THOC2: variants seen among roughly 807,000 people sequenced by gnomAD.
THOC2 encodes THO complex 2.
A neutral mutation model predicts 128.4 loss-of-function variants in THOC2; 10 were observed. The ratio of observed to expected loss-of-function variants is 0.08; its 90% confidence interval spans 0.05 to 0.13. The LOEUF (loss-of-function observed/expected upper bound fraction) is 0.13. THOC2 is among the 10% of genes least tolerant of loss of function. The pLI is 1.00. For synonymous variants in THOC2, 393 were observed against 396.9 expected (o/e 0.99, Z 0.12); for missense variants, 535 against 1,155.7 (o/e 0.46, Z 7.79).
chrX:123,721,156 T>A (rs1315297697), intron 1 of THOC2, among the ~76,000 whole-genome samples: 1 of 109,527 alleles, frequency 9.1e-6, no homozygotes, highest in African/African-American at 3.3e-5. Context: ...GGTTTTTTTG[T>A]TGTTGCTGGT....
intron 30 of THOC2, among the ~76,000 whole-genome samples, chrX:123,622,277 T>C (rs1030012968): frequency 9.0e-6 from 1 of 110,711 alleles, no homozygotes; most frequent in Non-Finnish European, 1.9e-5. Context: ...GGCACACGCT[T>C]GTAATCCCAG....
intron 12 of THOC2, among the ~76,000 whole-genome samples, chrX:123,658,505 T>C (rs1208309019): frequency 8.9e-6 from 1 of 111,889 alleles, no homozygotes; most frequent in African/African-American, 3.3e-5. Flanking sequence ...TGAAATATTA[T>C]TCAGTGCTAA....
intron 30 of THOC2, 151 bp downstream of exon 30, chrX:123,622,607 G>A (rs756690077): frequency 3.1e-5 from 12 of 387,045 alleles, no homozygotes; most frequent in South Asian, 2.2e-4. Context: ...AATTCCAGCA[G>A]TGTGGAAAGC....
At chrX:123,663,239 A>G (rs2048914396) in intron 12 of THOC2, among the ~76,000 whole-genome samples, 2 of 111,998 alleles carry the variant, frequency 1.8e-5, no homozygotes, top group Admixed American at 1.9e-4. Flanking sequence ...GTAATAAAAT[A>G]TCACTCAGCA....
intron 12 of THOC2, among the ~76,000 whole-genome samples, chrX:123,662,915 A>C (rs903017708): frequency 8.9e-6 from 1 of 112,203 alleles, no homozygotes; most frequent in Non-Finnish European, 1.9e-5. Flanking sequence ...ATACCACTAC[A>C]TACCCACTAG....
At chrX:123,649,693 A>G (rs2048277911) in intron 12 of THOC2, among the ~76,000 whole-genome samples, 1 of 110,548 alleles carries the variant, frequency 9.0e-6, no homozygotes, top group African/African-American at 3.3e-5. Flanking sequence ...ACCAAGCAGA[A>G]GAAAGGATAT....
chrX:123,690,013 TATAC>T (rs2050154873), intron 7 of THOC2, among the ~76,000 whole-genome samples: 1 of 110,923 alleles, frequency 9.0e-6, no homozygotes, highest in Non-Finnish European at 1.9e-5. Flanking sequence ...TATTTTTACA[TATAC>T]ATACATACAC....
rs753861382 is a variant in THOC2 at position 123,730,851 on chromosome X, G to C, written c.71+2101C>G. 2.7e-5 allele frequency among the ~76,000 whole-genome samples: 3 copies of C among 112,365 alleles called. No homozygotes were observed. In the East Asian group the frequency reaches 8.5e-4, roughly 32 times the overall value. ...CCCAGCTACTCAGGAGGCTGAGACAGGAGAATCGCTTGAACGTGGGAGGCG... is the reference window on the plus strand; with the variant it reads ...CCCAGCTACTCAGGAGGCTGAGACACGAGAATCGCTTGAACGTGGGAGGCG... On this transcript the variant is annotated intron_variant, in intron 1 of 38. Coordinates refer to ENST00000245838, the MANE Select transcript of THOC2 (RefSeq NM_001081550.2).
chrX:123,632,769 T>C (rs759795138), intron 21 of THOC2, 92 bp downstream of exon 21: 4 of 745,532 alleles, frequency 5.4e-6, no homozygotes, highest in Non-Finnish European at 5.9e-6. Flanking sequence ...TCAAATGATG[T>C]GCAAAAATGA....
intron 1 of THOC2, among the ~76,000 whole-genome samples, chrX:123,721,707 A>G (rs923384594): frequency 4.6e-5 from 5 of 107,971 alleles, no homozygotes; most frequent in African/African-American, 1.4e-4. Flanking sequence ...AATCGCTTGG[A>G]CTCAGGAGGC....
chrX:123,712,422 C>T (rs989378636), intron 2 of THOC2, among the ~76,000 whole-genome samples: 3 of 112,081 alleles, frequency 2.7e-5, no homozygotes, highest in Non-Finnish European at 3.8e-5. Flanking sequence ...CCCATGACAA[C>T]TGCCTTTAAC....
chrX:123,711,199 T>G (rs774312103), intron 2 of THOC2, among the ~76,000 whole-genome samples: 37 of 103,196 alleles, frequency 3.6e-4, no homozygotes, highest in African/African-American at 1.2e-3. Context: ...TTTTTTGTTT[T>G]TGTTTTTTTT....
intron 7 of THOC2, among the ~76,000 whole-genome samples, chrX:123,688,685 T>C (rs1469317771): frequency 9.0e-6 from 1 of 110,522 alleles, no homozygotes; most frequent in Non-Finnish European, 1.9e-5. Flanking sequence ...AAGAAGCAAA[T>C]TGAGGGGGAA....
chrX:123,632,829 T>C (rs748564951), intron 21 of THOC2, 32 bp downstream of exon 21: 2 of 1,124,015 alleles, frequency 1.8e-6, no homozygotes, highest in Non-Finnish European at 1.2e-6. Flanking sequence ...ATTAAAAACA[T>C]GTACATAAAC....
intron 33 of THOC2, among the ~76,000 whole-genome samples, chrX:123,616,001 A>G (rs745765731): frequency 3.2e-4 from 35 of 110,973 alleles, no homozygotes; most frequent in Admixed American, 4.8e-4. Context: ...TGCTATAGTA[A>G]CCCAATGCAT....
chrX:123,667,416 G>A (rs1348966636), intron 10 of THOC2, 138 bp from the exon 11 acceptor site: 2 of 442,807 alleles, frequency 4.5e-6, no homozygotes, highest in East Asian at 8.0e-5. Flanking sequence ...ATATATTCCT[G>A]CAAGTACAAT....
chrX:123,631,271 A>G (rs1011329547), intron 22 of THOC2, among the ~76,000 whole-genome samples: 3 of 112,366 alleles, frequency 2.7e-5, no homozygotes, highest in Non-Finnish European at 5.6e-5. Context: ...CAAAGACGGC[A>G]AACAATTCTC....
intron 3 of THOC2, 149 bp downstream of exon 3, chrX:123,706,708 AG>A: frequency 3.5e-6 from 1 of 282,425 alleles, no homozygotes; most frequent in East Asian, 5.5e-5. Flanking sequence ...CATAGTTCTG[AG>A]GGGAAAAAAG....
chrX:123,730,100 GT>G (rs979154443), intron 1 of THOC2, among the ~76,000 whole-genome samples: 4 of 111,183 alleles, frequency 3.6e-5, no homozygotes, highest in African/African-American at 1.3e-4. Flanking sequence ...CATTCCACAA[GT>G]CATGCAATAA....
Sources: gnomAD v4.1 joint callset for allele counts (sites outside exome capture counted in the v4.1 genomes callset) on GRCh38, gnomAD v4.1.1 for gene constraint, MANE v1.5 for transcripts, NCBI Gene and HGNC (gene_info 2026-07-23, HGNC 2026-07-21) for gene names.